Variants in ADGRE5 observed in about 807,000 individuals in gnomAD.
The protein encoded by ADGRE5 is adhesion G protein-coupled receptor E5.
In ADGRE5, 72 loss-of-function variants were observed where a neutral mutation model predicts 100.3. The observed-to-expected ratio is 0.72, with a 90% CI of 0.59 to 0.87. The LOEUF is 0.87. ADGRE5 is among the 40% of genes least tolerant of loss of function. The pLI is 0.00. For synonymous variants in ADGRE5, 439 were observed against 447.8 expected (o/e 0.98, Z 0.25); for missense variants, 959 against 1,094.7 (o/e 0.88, Z 1.75).
rs1976148638 is a variant in ADGRE5 at position 14,404,664 on chromosome 19, A to G, written c.1629+102A>G. 5 of 1,170,014 alleles carry G rather than the reference A, an allele frequency of 4.3e-6. No homozygotes were observed. In the Admixed American group the frequency reaches 7.4e-5, roughly 17 times the overall value. 72.5% of individuals were successfully genotyped at this position (1,170,014 alleles called of 1,614,324 possible). On this transcript the variant is annotated intron_variant, in intron 13 of 19. Coordinates refer to ENST00000242786, the MANE Select transcript of ADGRE5 (RefSeq NM_078481.4). ...ATGGAGCCCTACTGGTTGCTCAGAT[A>G]TATCTGCATGGTTGCACAGCCCAGG...
intron 13 of ADGRE5, chr19:14,404,848 A>C: frequency 8.1e-6 from 3 of 371,616 alleles, no homozygotes; most frequent in Non-Finnish European, 4.8e-6. Flanking sequence ...GAGCATTCCA[A>C]GGGGGCACCA....
chr19:14,396,110 A>G, intron 4 of ADGRE5: 1 of 640,638 alleles, frequency 1.6e-6, no homozygotes, highest in Non-Finnish European at 2.5e-6. Flanking sequence ...CCCAGCTTGG[A>G]GCTGCCCAGG....
intron 3 of ADGRE5, among the ~76,000 whole-genome samples, chr19:14,389,186 A>C: frequency 1.4e-5 from 1 of 71,068 alleles, no homozygotes. Flanking sequence ...GGGGAGAGGA[A>C]GGGGAAGAGG....
At chr19:14,388,947 G>T (rs907212145) in intron 3 of ADGRE5, 129 bp downstream of exon 3, 2 of 935,096 alleles carry the variant, frequency 2.1e-6, no homozygotes, top group Non-Finnish European at 3.4e-6. Context: ...CCAGAGAAAA[G>T]AAAAAGAGGG....
Position 14,397,103 on chromosome 19 carries a change from A to C in ADGRE5, c.505A>C (p.Asn169His). ...TDVNECTSGQ[N>H]PCHSSTHCLN... is the part of the protein sequence containing the mutation. ...TGTGAATGAATGCACCTCCGGACAA[A>C]ACCCGTGCCACAGCTCCACCCACTG... The change falls in exon 6 of 20, where the codon AAC (asparagine) becomes CAC (histidine). Residue 169 changes from asparagine to histidine, a missense_variant. By Grantham distance (68) the Asn-to-His change is moderately conservative (BLOSUM62 1). This residue lies in a region of ADGRE5 where 83 missense variants were observed against 88.8 expected (regional missense o/e 0.93). Coordinates refer to ENST00000242786, the MANE Select transcript of ADGRE5 (RefSeq NM_078481.4). 6.2e-7 allele frequency: 1 copy of C among 1,614,020 alleles called. No individual in the cohort carries two copies. Among genetic ancestry groups the C allele is most frequent in the Non-Finnish European group, 8.5e-7 (1 of 1,180,012 alleles).
intron 1 of ADGRE5, among the ~76,000 whole-genome samples, chr19:14,383,778 G>A (rs1975241240): frequency 6.6e-6 from 1 of 151,896 alleles, no homozygotes; most frequent in African/African-American, 2.4e-5. Context: ...GCTGGGCCCT[G>A]TAGCCTCACG....
At chr19:14,388,875 C>A (rs1463385717) in intron 3 of ADGRE5, 57 bp downstream of exon 3, 4 of 1,486,208 alleles carry the variant, frequency 2.7e-6, no homozygotes, top group Non-Finnish European at 3.8e-6. Flanking sequence ...CATTGCCCAG[C>A]CAGTGGGGGA....
Position 14,407,948 on chromosome 19 carries a change from G to A in ADGRE5, c.2417G>A (p.Gly806Glu). 1 of 1,614,120 alleles carries A rather than the reference G, an allele frequency of 6.2e-7. No homozygotes were observed. The highest frequency in any genetic ancestry group is 8.5e-7 in the Non-Finnish European group (1 of 1,180,024). Residue 806 changes from glycine to glutamate, a missense_variant, in exon 19 of 20, where the codon GGG (glycine) becomes GAG (glutamate). Gly to Glu is a moderately conservative substitution (Grantham distance 98, BLOSUM62 -2). Transcript: ENST00000242786. ...CGGAAGTGGGCCTGCCTAGTTGCTGGGGGGAGCAAGTACTCAGAATTCACC... is the reference window on the plus strand; with the variant it reads ...CGGAAGTGGGCCTGCCTAGTTGCTGAGGGGAGCAAGTACTCAGAATTCACC... ...EYRKWACLVA[G>E]GSKYSEFTST...
At chr19:14,396,549 C>T (rs541935943) in intron 5 of ADGRE5, 76 bp downstream of exon 5, 14 of 1,588,172 alleles carry the variant, frequency 8.8e-6, no homozygotes, top group East Asian at 4.5e-5. Flanking sequence ...CCAAAGCAGC[C>T]GAGGAGGAGG....
intron 12 of ADGRE5, 92 bp downstream of exon 12, chr19:14,402,954 T>A: frequency 2.3e-6 from 3 of 1,294,562 alleles, no homozygotes; most frequent in Non-Finnish European, 3.3e-6. Context: ...CCGACGTGAC[T>A]CAGTCTTTTA....
chr19:14,395,848 G>C (rs977386853), intron 4 of ADGRE5, among the ~76,000 whole-genome samples: 1 of 152,168 alleles, frequency 6.6e-6, no homozygotes, highest in Admixed American at 6.5e-5. Context: ...GAGGGGTCTT[G>C]GTCCATGCCC....
rs573078531 is a variant in ADGRE5, at chr19:14,408,590, G to A, written c.*469G>A. 1.9e-4 allele frequency: 82 copies of A among 423,372 alleles called. No homozygotes were observed. Among genetic ancestry groups the A allele is most frequent in the Middle Eastern group, 6.3e-4 (1 of 1,600 alleles). The allele number at this position is 423,372 out of a possible 1,614,324, so 26.2% of individuals were successfully genotyped here. ...CTTGGGGCCACTGCCTGAGGCTCAC[G>A]GTACAGAGGCCTGCCCTGCCTGGCC... On this transcript the variant is annotated 3_prime_UTR_variant, in exon 20 of 20. Coordinates refer to ENST00000242786, the MANE Select transcript of ADGRE5 (RefSeq NM_078481.4).
chr19:14,397,314 T>A (rs1172688014), intron 6 of ADGRE5, 91 bp downstream of exon 6: 6 of 1,582,208 alleles, frequency 3.8e-6, no homozygotes, highest in Non-Finnish European at 4.3e-6. Flanking sequence ...GAATGAGCGC[T>A]GGAGGCACCT....
In ADGRE5 at chr19:14,395,369, T is replaced by C. The variant is rs543297241; in HGVS notation, c.347-973T>C. Among the ~76,000 whole-genome samples the C allele has an allele frequency of 8.6e-5, 13 of 151,164 alleles. No homozygotes were observed. The East Asian group carries it at 2.3e-3, about 27-fold the overall frequency. On this transcript the variant is annotated intron_variant, in intron 4 of 19. Coordinates refer to ENST00000242786, the MANE Select transcript of ADGRE5 (RefSeq NM_078481.4). ...TGAAGGAGGCGGCTCCAGCCTGGACTAGCCGGCAAGAGACAGCATCACTGG... is the reference window on the plus strand; with the variant it reads ...TGAAGGAGGCGGCTCCAGCCTGGACCAGCCGGCAAGAGACAGCATCACTGG...
At chr19:14,395,883 T>C (rs938751418) in intron 4 of ADGRE5, among the ~76,000 whole-genome samples, 1 of 152,088 alleles carries the variant, frequency 6.6e-6, no homozygotes, top group Non-Finnish European at 1.5e-5. Flanking sequence ...TCAGAGCTAG[T>C]GTGGATGGGA....
Position 14,402,910 on chromosome 19 carries a change from G to A in ADGRE5, c.1449+48G>A, listed in dbSNP as rs1233295840. Reference sequence around the variant, plus strand: ...TCCTCAAAGATAACCCAGGGCCTTCGCACATGCTGGGCCTCTCTCTGGGAT... The same window carrying A: ...TCCTCAAAGATAACCCAGGGCCTTCACACATGCTGGGCCTCTCTCTGGGAT... On this transcript the variant is annotated intron_variant, in intron 12 of 19. Coordinates refer to ENST00000242786, the MANE Select transcript of ADGRE5 (RefSeq NM_078481.4). The A allele has an allele frequency of 4.4e-6, 7 of 1,589,148 alleles. No individual in the cohort carries two copies. In the African/African-American group the frequency reaches 5.4e-5, roughly 12 times the overall value.
At position 14,406,982 on chromosome 19, in the gene ADGRE5, A is replaced by G. The variant is rs1388083901; in HGVS notation, c.2207+22A>G. 1.2e-6 allele frequency: 2 copies of G among 1,613,732 alleles called. No individual in the cohort carries two copies. The highest frequency in any genetic ancestry group is 1.3e-5 in the African/African-American group (1 of 74,930). On this transcript the variant is annotated intron_variant, in intron 17 of 19. Transcript: ENST00000242786. This position sits in a 1 kb window ranked among gnomAD's most constrained non-coding sequence, Gnocchi z 6.0. Reference sequence around the variant, plus strand: ...CGAGGTGAGAGGAGAGGCTGGAAGGACTTGGAGGCGGGGCCGGGGTGAGGG... The same window carrying G: ...CGAGGTGAGAGGAGAGGCTGGAAGGGCTTGGAGGCGGGGCCGGGGTGAGGG...
Position 14,407,064 on chromosome 19 carries a change from G to C in ADGRE5, c.2211G>C (p.Ala737=). 6.2e-7 allele frequency: 1 copy of C among 1,614,060 alleles called. No homozygotes were observed. Among genetic ancestry groups the C allele is most frequent in the Non-Finnish European group, 8.5e-7 (1 of 1,180,042 alleles). ...PDMKKLKKAR[A]LTITAIAQLF... The stretch of plus-strand genomic sequence containing the variant: ...GCTGCAACCCCGCTCCTCGCAGGGC[G>C]CTGACCATCACGGCCATCGCGCAGC... Residue 737 remains alanine (A), a synonymous_variant, in exon 18 of 20, where the codon GCG becomes GCC. Transcript: ENST00000242786.
At chr19:14,381,935 A>T (rs1186524120) in intron 1 of ADGRE5, among the ~76,000 whole-genome samples, 2 of 152,030 alleles carry the variant, frequency 1.3e-5, no homozygotes, top group Non-Finnish European at 2.9e-5. Context: ...GGGGTGGGGA[A>T]GCTAGAAGCC....
Sources: gnomAD v4.1 joint callset for allele counts (sites outside exome capture counted in the v4.1 genomes callset) on GRCh38, gnomAD v4.1.1 for gene constraint, gnomAD v4.1.1 regional missense constraint, Gnocchi (gnomAD v3.1) non-coding constraint, MANE v1.5 for transcripts, NCBI Gene and HGNC (gene_info 2026-07-23, HGNC 2026-07-21) for gene names.